NBDY: variants seen among roughly 807,000 people sequenced by gnomAD.
The protein encoded by NBDY is P-body dissociating protein.
rs533025277 is a variant in NBDY, at chrX:56,764,592, A to G, written c.*166+32393A>G. Reference sequence around the variant, plus strand: ...TCCGTGCATCCTGTTGTGTTCAGAAACAACTTCCACTAGATGGCAATGTGG... The same window carrying G: ...TCCGTGCATCCTGTTGTGTTCAGAAGCAACTTCCACTAGATGGCAATGTGG... On this transcript the variant is annotated intron_variant, in intron 2 of 2. Transcript: ENST00000374922. Among the ~76,000 whole-genome samples the G allele has an allele frequency of 1.3e-4, 14 of 109,054 alleles. No individual in the cohort carries two copies. In the South Asian group the frequency reaches 5.3e-3, roughly 41 times the overall value. 94.7% of individuals were successfully genotyped at this position (109,054 alleles called of 115,157 possible). A position where few individuals can be genotyped will look rare whatever the true frequency, so the allele number is the denominator to read the frequency against.
intron 2 of NBDY, among the ~76,000 whole-genome samples, chrX:56,797,416 A>T (rs750128706): frequency 5.8e-5 from 6 of 104,060 alleles, no homozygotes; most frequent in African/African-American, 2.1e-4. Flanking sequence ...CTCCTTGGTG[A>T]TGGGGAATGT....
intron 2 of NBDY, among the ~76,000 whole-genome samples, chrX:56,811,562 A>G (rs2069886888): frequency 8.9e-6 from 1 of 111,924 alleles, no homozygotes; most frequent in Non-Finnish European, 1.9e-5. Context: ...CTGTAAGGGT[A>G]AAACTGCCTA....
chrX:56,807,906 G>A (rs1038466594), intron 2 of NBDY, among the ~76,000 whole-genome samples: 1 of 112,055 alleles, frequency 8.9e-6, no homozygotes, highest in African/African-American at 3.2e-5. Flanking sequence ...TTTTCAAAGG[G>A]AGTACTTCCA....
intron 2 of NBDY, among the ~76,000 whole-genome samples, chrX:56,733,618 T>G (rs1201812056): frequency 1.8e-5 from 2 of 111,794 alleles, no homozygotes; most frequent in African/African-American, 3.3e-5. Flanking sequence ...TGGTGTGATG[T>G]ACCCTAAGTT....
At chrX:56,740,310 CATTGTTTTCCATTTAAAAGACAAT>C (rs1482169535) in intron 2 of NBDY, among the ~76,000 whole-genome samples, 1 of 111,648 alleles carries the variant, frequency 9.0e-6, no homozygotes, top group African/African-American at 3.2e-5. Flanking sequence ...AACATTTTGT[CATTGTTTTCCATTTAAAAGACAAT>C]ATTGCTTATG....
intron 2 of NBDY, among the ~76,000 whole-genome samples, chrX:56,814,477 C>T (rs1318535362): frequency 4.6e-5 from 5 of 109,039 alleles, no homozygotes; most frequent in African/African-American, 6.6e-5. Context: ...TTTAAGTGAC[C>T]CAAGTTATGA....
At chrX:56,739,317 G>GAA in intron 2 of NBDY, among the ~76,000 whole-genome samples, 1 of 93,652 alleles carries the variant, frequency 1.1e-5, no homozygotes, top group South Asian at 5.3e-4. Flanking sequence ...GAGAGAGAGA[G>GAA]AGAAACTGTC....
chrX:56,744,686 G>A (rs1301311173), intron 2 of NBDY, among the ~76,000 whole-genome samples: 1 of 111,136 alleles, frequency 9.0e-6, no homozygotes, highest in East Asian at 2.8e-4. Flanking sequence ...TATCTTTCAT[G>A]TATTGTAGTG....
intron 2 of NBDY, among the ~76,000 whole-genome samples, chrX:56,806,945 T>C (rs1157749709): frequency 1.8e-5 from 2 of 112,380 alleles, no homozygotes; most frequent in Admixed American, 9.4e-5. Context: ...TTTATGGTTT[T>C]AGGTTTTAGG....
chrX:56,807,541 A>G (rs1948993958), intron 2 of NBDY, among the ~76,000 whole-genome samples: 1 of 111,160 alleles, frequency 9.0e-6, no homozygotes, highest in Non-Finnish European at 1.9e-5. Flanking sequence ...ATCCCTTATA[A>G]GTTGGATTCC....
At chrX:56,782,565 C>G (rs1330042998) in intron 2 of NBDY, among the ~76,000 whole-genome samples, 1 of 111,937 alleles carries the variant, frequency 8.9e-6, no homozygotes, top group Non-Finnish European at 1.9e-5. Context: ...TACCAAAAAC[C>G]TTCCCACATG....
intron 2 of NBDY, among the ~76,000 whole-genome samples, chrX:56,812,846 G>A (rs2069894017): frequency 9.0e-6 from 1 of 110,774 alleles, no homozygotes; most frequent in South Asian, 3.9e-4. Context: ...GCTCTCTGCG[G>A]GACAAATGTT....
chrX:56,735,523 AAACATT>A (rs766281903), intron 2 of NBDY, among the ~76,000 whole-genome samples: 1 of 111,728 alleles, frequency 9.0e-6, no homozygotes, highest in East Asian at 2.8e-4. Flanking sequence ...GGCTTGCTTT[AAACATT>A]AACAGCATTC....
intron 2 of NBDY, among the ~76,000 whole-genome samples, chrX:56,755,090 T>C (rs1487436424): frequency 9.0e-6 from 1 of 111,624 alleles, no homozygotes; most frequent in Non-Finnish European, 1.9e-5. Context: ...TAGCCATATG[T>C]AGAAAACTGA....
intron 2 of NBDY, among the ~76,000 whole-genome samples, chrX:56,798,181 C>T (rs762604319): frequency 7.1e-5 from 8 of 112,368 alleles, no homozygotes; most frequent in Non-Finnish European, 1.3e-4. Flanking sequence ...TGGCTTTCTC[C>T]CAAAAATGAA....
rs144474613 is a variant in NBDY, at chrX:56,781,445, A to G, written c.*167-35875A>G. On this transcript the variant is annotated intron_variant, in intron 2 of 2. Transcript: ENST00000374922. ...ACAGATCTTTGTGCAGACGCGGTAC[A>G]GACCCGGGATTTAGGGGCTTATGCT... Among the ~76,000 whole-genome samples the G allele has an allele frequency of 5.5e-4, 62 of 111,782 alleles. No individual in the cohort carries two copies. The East Asian group carries it at 0.015, about 28-fold the overall frequency.
intron 2 of NBDY, among the ~76,000 whole-genome samples, chrX:56,785,894 T>C (rs909363996): frequency 9.0e-6 from 1 of 111,318 alleles, no homozygotes; most frequent in Non-Finnish European, 1.9e-5. Flanking sequence ...TTTTGTCCAC[T>C]TCTGTTTGGG....
rs1174891503 is a variant in NBDY at position 56,817,694 on chromosome X, T to C, written c.*541T>C. 2 of 112,179 alleles carry C rather than the reference T, an allele frequency of 1.8e-5. No individual in the cohort carries two copies. Among genetic ancestry groups the C allele is most frequent in the African/African-American group, 6.5e-5 (2 of 30,935 alleles). The allele number at this position is 112,179 out of a possible 1,213,427, so 9.2% of individuals were successfully genotyped here. A position where few individuals can be genotyped will look rare whatever the true frequency, so the allele number is the denominator to read the frequency against. On this transcript the variant is annotated 3_prime_UTR_variant, in exon 3 of 3. Coordinates refer to ENST00000374922, the MANE Select transcript of NBDY (RefSeq NM_001348129.2). ...TTGAAATATGACCTTCTTCCTACATTTATTCATTTATTTATGTCTATTTAT... is the reference window on the plus strand; with the variant it reads ...TTGAAATATGACCTTCTTCCTACATCTATTCATTTATTTATGTCTATTTAT...
intron 2 of NBDY, among the ~76,000 whole-genome samples, chrX:56,736,135 C>T (rs1445372356): frequency 4.5e-5 from 5 of 112,001 alleles, no homozygotes; most frequent in African/African-American, 6.5e-5. Context: ...GCAGCAATGA[C>T]TCGTCCTGGA....
Sources: allele counts gnomAD v4.1 joint callset (sites outside exome capture counted in the v4.1 genomes callset), GRCh38; gene constraint gnomAD v4.1.1; transcripts MANE v1.5; gene names NCBI Gene and HGNC (gene_info 2026-07-23, HGNC 2026-07-21).